Variants in LAMA2 observed in about 807,000 individuals in gnomAD.
LAMA2 encodes the protein laminin subunit alpha-2.
In LAMA2, 269 loss-of-function variants were observed where a neutral mutation model predicts 364.8. The ratio of observed to expected loss-of-function variants is 0.74; its 90% confidence interval spans 0.67 to 0.82. The LOEUF is 0.82. LAMA2 is among the 40% of genes least tolerant of loss of function. The pLI is 0.00. For synonymous variants in LAMA2, 1,379 were observed against 1,370.6 expected, an observed-to-expected ratio of 1.01 and a Z score of -0.14; for missense variants, 3,807 against 3,873.2, an observed-to-expected ratio of 0.98 and a Z score of 0.45.
chr6:129,486,351 A>G (rs918897785), intron 55 of LAMA2, 123 bp from the exon 56 acceptor site: 2 of 901,326 alleles, frequency 2.2e-6, no homozygotes, highest in African/African-American at 3.3e-5. Context: ...TTGAGAAAAT[A>G]AAGTCTTAAT....
intron 13 of LAMA2, among the ~76,000 whole-genome samples, chr6:129,251,723 AG>A (rs1477245311): frequency 6.6e-6 from 1 of 152,100 alleles, no homozygotes; most frequent in African/African-American, 2.4e-5. Flanking sequence ...ACCTGATGTC[AG>A]GAGTTTGAGA....
chr6:129,226,112 C>T (rs955297741), intron 12 of LAMA2, among the ~76,000 whole-genome samples: 1 of 152,076 alleles, frequency 6.6e-6, no homozygotes, highest in Admixed American at 6.5e-5. Context: ...CTCTTTTGAT[C>T]TTTGTTGGTT....
At chr6:129,114,997 A>G (rs1158247204) in intron 4 of LAMA2, among the ~76,000 whole-genome samples, 1 of 152,114 alleles carries the variant, frequency 6.6e-6, no homozygotes, top group Non-Finnish European at 1.5e-5. Flanking sequence ...CTATTATTCT[A>G]GATTTAAATT....
At chr6:129,271,496 G>A (rs1300728076) in intron 17 of LAMA2, among the ~76,000 whole-genome samples, 3 of 128,124 alleles carry the variant, frequency 2.3e-5, no homozygotes, top group African/African-American at 8.7e-5. Flanking sequence ...TTGAGACAGA[G>A]TCTCGCTCTG....
intron 4 of LAMA2, among the ~76,000 whole-genome samples, chr6:129,101,506 A>G (rs1452976414): frequency 1.3e-5 from 2 of 152,132 alleles, no homozygotes; most frequent in Non-Finnish European, 2.9e-5. Flanking sequence ...ATTTATTTAA[A>G]TATTTTTTTC....
rs1190935344 is a variant in LAMA2, at chr6:129,466,324, A to G, written c.7300+1035A>G. ...GACACTTGAGTCAAACAGAGAGGTCAGTTTCCACTGGAGTGACCCTGAGGC... is the reference window on the plus strand; with the variant it reads ...GACACTTGAGTCAAACAGAGAGGTCGGTTTCCACTGGAGTGACCCTGAGGC... On this transcript the variant is annotated intron_variant, in intron 51 of 64. Transcript: ENST00000421865. Among the ~76,000 whole-genome samples the G allele has an allele frequency of 2.0e-5, 3 of 151,910 alleles. No homozygotes were observed. In the East Asian group the frequency reaches 5.8e-4, roughly 29 times the overall value.
intron 30 of LAMA2, among the ~76,000 whole-genome samples, chr6:129,343,006 T>C (rs1004670333): frequency 6.6e-6 from 1 of 152,136 alleles, no homozygotes; most frequent in Non-Finnish European, 1.5e-5. Context: ...CTTAAGATGG[T>C]CTGAGCTTGG....
At chr6:129,242,774 AT>A (rs1785482470) in intron 12 of LAMA2, among the ~76,000 whole-genome samples, 1 of 152,112 alleles carries the variant, frequency 6.6e-6, no homozygotes, top group African/African-American at 2.4e-5. Context: ...ACTTCAGAGA[AT>A]TTCACCACTA....
intron 40 of LAMA2, among the ~76,000 whole-genome samples, chr6:129,411,912 T>C (rs1035137741): frequency 6.6e-6 from 1 of 151,898 alleles, no homozygotes; most frequent in African/African-American, 2.4e-5. Flanking sequence ...AAAAACAAAG[T>C]GGAACTAAAA....
intron 35 of LAMA2, among the ~76,000 whole-genome samples, chr6:129,384,595 C>T (rs1279103116): frequency 2.0e-5 from 3 of 152,142 alleles, no homozygotes; most frequent in Non-Finnish European, 2.9e-5. Context: ...TCATGGTTAC[C>T]TCTTTGGTCA....
chr6:129,454,998 G>A (rs1430615515), intron 47 of LAMA2, among the ~76,000 whole-genome samples: 1 of 152,076 alleles, frequency 6.6e-6, no homozygotes, highest in Non-Finnish European at 1.5e-5. Context: ...TTAAAGAACT[G>A]GTTAATTGTT....
intron 1 of LAMA2, among the ~76,000 whole-genome samples, chr6:128,888,636 C>A (rs1248996157): frequency 2.6e-5 from 4 of 152,052 alleles, no homozygotes; most frequent in African/African-American, 9.7e-5. Context: ...GTGCAGTTAT[C>A]AGGGGGAAGA....
chr6:128,972,875 G>T (rs1353421523), intron 1 of LAMA2, among the ~76,000 whole-genome samples: 1 of 152,058 alleles, frequency 6.6e-6, no homozygotes, highest in Admixed American at 6.6e-5. Context: ...TCTGTCTCTT[G>T]TAATGGCTTT....
At chr6:129,409,727 T>A (rs1429372512) in intron 40 of LAMA2, among the ~76,000 whole-genome samples, 4 of 152,268 alleles carry the variant, frequency 2.6e-5, no homozygotes, top group African/African-American at 9.6e-5. Context: ...TCAAACAGGA[T>A]CCCTGTCTGC....
At chr6:128,931,394 ATATCT>A (rs1412067578) in intron 1 of LAMA2, among the ~76,000 whole-genome samples, 2 of 152,188 alleles carry the variant, frequency 1.3e-5, no homozygotes, top group African/African-American at 4.8e-5. Context: ...TGCCTAGCAA[ATATCT>A]TAATGTTGAA....
At chr6:129,214,173 A>G (rs1327201829) in intron 12 of LAMA2, among the ~76,000 whole-genome samples, 1 of 152,158 alleles carries the variant, frequency 6.6e-6, no homozygotes, top group African/African-American at 2.4e-5. Flanking sequence ...GAGCTTGACT[A>G]GGAGATCCAA....
At chr6:129,427,057 G>A (rs1583720291) in intron 40 of LAMA2, among the ~76,000 whole-genome samples, 3 of 152,294 alleles carry the variant, frequency 2.0e-5, no homozygotes, top group Admixed American at 2.0e-4. Flanking sequence ...TGGGTAACTA[G>A]ACATTCAAGT....
intron 4 of LAMA2, among the ~76,000 whole-genome samples, chr6:129,129,635 CAT>C (rs1022363886): frequency 6.6e-6 from 1 of 152,136 alleles, no homozygotes; most frequent in African/African-American, 2.4e-5. Flanking sequence ...TTTAAAATAA[CAT>C]ATTTTGGCCG....
At chr6:128,976,086 A>T (rs910130574) in intron 1 of LAMA2, among the ~76,000 whole-genome samples, 2 of 152,224 alleles carry the variant, frequency 1.3e-5, no homozygotes, top group Admixed American at 6.5e-5. Context: ...GGGATTTAGG[A>T]TAATGGCCTG....
Sources: gnomAD v4.1 joint callset for allele counts (sites outside exome capture counted in the v4.1 genomes callset) on GRCh38, gnomAD v4.1.1 for gene constraint, MANE v1.5 for transcripts, NCBI Gene and HGNC (gene_info 2026-07-23, HGNC 2026-07-21) for gene names.